Variants in MLIP observed in about 807,000 individuals in gnomAD.
MLIP encodes muscular LMNA-interacting protein.
A neutral mutation model predicts 84.8 loss-of-function variants in MLIP; 79 were observed. The ratio of observed to expected loss-of-function variants is 0.93; its 90% CI spans 0.78 to 1.12. The LOEUF (loss-of-function observed/expected upper bound fraction) is 1.12, where lower values mean the gene tolerates loss of function less well. MLIP is among the 50% of genes most tolerant of loss of function. The pLI, the probability that MLIP is intolerant of heterozygous loss-of-function variation, is 0.00. For synonymous variants in MLIP, 504 were observed against 463.0 expected (o/e 1.09, Z -1.14); for missense variants, 1,257 against 1,160.6 (o/e 1.08, Z -1.21).
chr6:54,239,760 C>G (rs540916933), intron 12 of MLIP, among the ~76,000 whole-genome samples: 1 of 151,672 alleles, frequency 6.6e-6, no homozygotes, highest in African/African-American at 2.4e-5. Context: ...GCACTCCAGT[C>G]TGGGTGACAG....
rs555841280 is a variant in MLIP, at chr6:54,170,362, A to G, written c.2544+790A>G. Among the ~76,000 whole-genome samples the G allele has an allele frequency of 1.4e-4, 21 of 151,774 alleles. No individual in the cohort carries two copies. In the South Asian group the frequency reaches 1.9e-3, roughly 13 times the overall value. On this transcript the variant is annotated intron_variant, in intron 9 of 13. Transcript: ENST00000502396. ...AATGTGTATTTTGTGTCATATCATC[A>G]TTGTAATTTTTACAGTTCTGCCTTC...
chr6:54,119,001 C>T (rs1351199866), intron 1 of MLIP, among the ~76,000 whole-genome samples: 4 of 152,182 alleles, frequency 2.6e-5, no homozygotes, highest in African/African-American at 9.7e-5. Flanking sequence ...TGAGATATTA[C>T]CTCCCTCCTG....
chr6:54,250,735 C>T (rs1782417993), intron 12 of MLIP, among the ~76,000 whole-genome samples: 1 of 152,068 alleles, frequency 6.6e-6, no homozygotes, highest in Non-Finnish European at 1.5e-5. Context: ...TATTTTTCAA[C>T]CAGCCCAATT....
chr6:54,103,268 A>G (rs955804130), intron 1 of MLIP, among the ~76,000 whole-genome samples: 4 of 152,290 alleles, frequency 2.6e-5, no homozygotes, highest in African/African-American at 4.8e-5. Context: ...CTAAAATAAC[A>G]TATGTCATGC....
chr6:54,142,732 G>A (rs765018203), intron 4 of MLIP, among the ~76,000 whole-genome samples: 36 of 152,280 alleles, frequency 2.4e-4, no homozygotes, highest in Non-Finnish European at 4.1e-4. Flanking sequence ...GACCATGAGA[G>A]GGTGAAAGTT....
At chr6:54,159,136 C>G (rs1158725889) in intron 5 of MLIP, among the ~76,000 whole-genome samples, 1 of 151,974 alleles carries the variant, frequency 6.6e-6, no homozygotes, top group African/African-American at 2.4e-5. Context: ...TGGTCTTGAA[C>G]TCCTGGGCTC....
chr6:54,027,558 C>T (rs1285722262), intron 1 of MLIP, among the ~76,000 whole-genome samples: 6 of 152,130 alleles, frequency 3.9e-5, no homozygotes. Context: ...TAATTTTAGC[C>T]CCTCTGCATC....
intron 1 of MLIP, among the ~76,000 whole-genome samples, chr6:54,100,448 A>C (rs1768558675): frequency 1.3e-5 from 2 of 152,232 alleles, no homozygotes; most frequent in South Asian, 4.1e-4. Context: ...ATGAGAAGAA[A>C]ATTTTTAAAA....
Position 54,081,870 on chromosome 6 carries a change from A to G in MLIP, c.64-39577A>G, listed in dbSNP as rs546797968. On this transcript the variant is annotated intron_variant, in intron 1 of 12. Coordinates refer to the MLIP transcript ENST00000274897. ...TTGTTCTTTTACCTGTGCTTCTGTC[A>G]CATTTTTCAGCTTATTTGTTTTTAA... Among the ~76,000 whole-genome samples the G allele has an allele frequency of 3.9e-5, 6 of 152,254 alleles. No homozygotes were observed. In the South Asian group the frequency reaches 1.2e-3, roughly 32 times the overall value.
At chr6:54,160,329 T>TAG in intron 5 of MLIP, 38 bp from the exon 6 acceptor site, 1 of 1,544,496 alleles carries the variant, frequency 6.5e-7, no homozygotes, top group Non-Finnish European at 8.9e-7. Flanking sequence ...GTTGTATGAC[T>TAG]AGAAGCCTCA....
rs1157471725 is a variant in MLIP at position 54,111,913 on chromosome 6, C to T, written c.96+338C>T. Among the ~76,000 whole-genome samples the T allele has an allele frequency of 2.6e-5, 4 of 152,194 alleles. No homozygotes were observed. The South Asian group carries it at 8.3e-4, about 32-fold the overall frequency. On this transcript the variant is annotated intron_variant, in intron 1 of 13. Transcript: ENST00000502396. ...GGAAATATAAGAAAGGAAGGCATTA[C>T]AGCCCAAAACTGAGCAAAGGAGCTG...
rs1273865517 is a variant in MLIP at position 54,137,518 on chromosome 6, T to G, written c.1449T>G (p.Val483=). The change falls in exon 4 of 14, where the codon GTT becomes GTG. Residue 483 remains valine (V), a synonymous_variant. Coordinates refer to ENST00000502396, the MANE Select transcript of MLIP (RefSeq NM_001281747.2). Reference sequence around the variant, plus strand: ...CACCAGATCAAGGGGAACTCCAGGTTTCTGAATTGACCCAGCAATCTTTTC... The same window carrying G: ...CACCAGATCAAGGGGAACTCCAGGTGTCTGAATTGACCCAGCAATCTTTTC... The part of the protein sequence containing the change: ...AGSPDQGELQ[V]SELTQQSFHL... 3.3e-6 allele frequency: 5 copies of G among 1,536,064 alleles called. No individual in the cohort carries two copies. The highest frequency in any genetic ancestry group is 2.4e-5 in the South Asian group (2 of 84,058).
At chr6:54,249,510 C>T (rs1395887772) in intron 12 of MLIP, among the ~76,000 whole-genome samples, 1 of 151,516 alleles carries the variant, frequency 6.6e-6, no homozygotes, top group East Asian at 1.9e-4. Flanking sequence ...TCGAGAGGAG[C>T]TTTTTCCACA....
At position 54,067,871 on chromosome 6, in the gene MLIP, G is replaced by A. The variant is rs1766281203; in HGVS notation, c.63+48780G>A. Among the ~76,000 whole-genome samples the A allele has an allele frequency of 3.0e-5, 3 of 98,418 alleles. 1 individual carries two copies. The highest frequency in any genetic ancestry group is 2.7e-4 in the East Asian group (1 of 3,644). 64.6% of individuals were successfully genotyped at this position (98,418 alleles called of 152,430 possible). On this transcript the variant is annotated intron_variant, in intron 1 of 12. Coordinates refer to the MLIP transcript ENST00000274897. Reference sequence around the variant, plus strand: ...ACTTAAGGCTAAAGCAATATTCACCGACCTACACATCAAGACACGATTGAA... The same window carrying A: ...ACTTAAGGCTAAAGCAATATTCACCAACCTACACATCAAGACACGATTGAA...
chr6:54,077,836 A>G (rs1337282569), intron 1 of MLIP, among the ~76,000 whole-genome samples: 6 of 152,210 alleles, frequency 3.9e-5, no homozygotes, highest in Non-Finnish European at 8.8e-5. Context: ...ATGGCTCAAG[A>G]TATGTGTTTT....
chr6:54,131,653 G>T (rs897255837), intron 3 of MLIP, among the ~76,000 whole-genome samples: 6 of 152,146 alleles, frequency 3.9e-5, no homozygotes, highest in Non-Finnish European at 7.4e-5. Flanking sequence ...ATATTGTACA[G>T]ACTTGACTGA....
chr6:54,105,562 C>T (rs1003752286), intron 1 of MLIP, among the ~76,000 whole-genome samples: 9 of 152,166 alleles, frequency 5.9e-5, no homozygotes, highest in African/African-American at 2.2e-4. Context: ...TCCTTGCCCT[C>T]ATGGTGATTA....
intron 9 of MLIP, among the ~76,000 whole-genome samples, chr6:54,179,392 C>G (rs902928150): frequency 6.6e-6 from 1 of 152,106 alleles, no homozygotes; most frequent in African/African-American, 2.4e-5. Flanking sequence ...AGTTCTCACA[C>G]ATTGAATGAT....
intron 2 of MLIP, among the ~76,000 whole-genome samples, chr6:54,122,103 T>C (rs1390835974): frequency 1.3e-5 from 2 of 152,156 alleles, no homozygotes; most frequent in Admixed American, 1.3e-4. Flanking sequence ...TATAAAACTG[T>C]TTATAACCTT....
Sources: gnomAD v4.1 joint callset for allele counts (sites outside exome capture counted in the v4.1 genomes callset) on GRCh38, gnomAD v4.1.1 for gene constraint, MANE v1.5 for transcripts, NCBI Gene and HGNC (gene_info 2026-07-23, HGNC 2026-07-21) for gene names.